The following SLIT1 variants were observed in gnomAD, a reference collection of about 807,000 sequenced individuals.
The protein encoded by SLIT1 is slit guidance ligand 1.
In SLIT1, 66 loss-of-function variants were observed where a neutral mutation model predicts 186.1. The ratio of observed to expected loss-of-function variants is 0.35; its 90% CI spans 0.29 to 0.44. The LOEUF (loss-of-function observed/expected upper bound fraction) is 0.44, where lower values mean the gene tolerates loss of function less well. Ranked by LOEUF, SLIT1 falls within the 20% of genes least tolerant of loss-of-function variation. The probability of loss-of-function intolerance (pLI) is 1.00; values close to 1 mark genes in which losing one functional copy is unlikely to be tolerated. For missense variants in SLIT1, 1,638 were observed against 2,037.4 expected (o/e 0.80, Z 3.77); for synonymous variants, 761 against 833.8 (o/e 0.91, Z 1.50).
At chr10:97,011,616 C>T (rs891779546) in intron 30 of SLIT1, among the ~76,000 whole-genome samples, 23 of 152,280 alleles carry the variant, frequency 1.5e-4, no homozygotes, top group Middle Eastern at 3.4e-3. Flanking sequence ...TCAGTGGGTG[C>T]CTTGACCTCA....
intron 26 of SLIT1, among the ~76,000 whole-genome samples, chr10:97,019,889 A>G (rs1848487567): frequency 6.6e-6 from 1 of 152,214 alleles, no homozygotes; most frequent in Non-Finnish European, 1.5e-5. Context: ...GAATAGAAAT[A>G]AAAACACTTT....
intron 4 of SLIT1, among the ~76,000 whole-genome samples, chr10:97,117,496 C>T (rs1037057121): frequency 6.6e-6 from 1 of 152,164 alleles, no homozygotes; most frequent in Non-Finnish European, 1.5e-5. Flanking sequence ...AGGAATATGA[C>T]TATTCAAGGT....
At position 97,122,759 on chromosome 10, in the gene SLIT1, C is replaced by T. The variant is rs529769830; in HGVS notation, c.413+35059G>A. 2.6e-5 allele frequency among the ~76,000 whole-genome samples: 4 copies of T among 152,200 alleles called. No homozygotes were observed. In the East Asian group the frequency reaches 5.8e-4, roughly 22 times the overall value. ...TGCCAGTGATGCTTCCTGGGAGCTC[C>T]TTGTCCAGAAGCTGCTTGCCAGTGC... On this transcript the variant is annotated intron_variant, in intron 4 of 36. Transcript: ENST00000266058.
Position 97,185,869 on chromosome 10 carries a change from C to T in SLIT1, c.-195G>A, listed in dbSNP as rs1850408664. The T allele has an allele frequency of 2.0e-6, 1 of 512,124 alleles. No homozygotes were observed. Among genetic ancestry groups the T allele is most frequent in the Non-Finnish European group, 3.3e-6 (1 of 298,682 alleles). 31.7% of individuals were successfully genotyped at this position (512,124 alleles called of 1,614,324 possible). Reference sequence around the variant, plus strand: ...CCTGTGCGCGGACGGAGGGAGGGCGCCTTGGGCGGAGGGGGCTCGGCTCCT... The same window carrying T: ...CCTGTGCGCGGACGGAGGGAGGGCGTCTTGGGCGGAGGGGGCTCGGCTCCT... On this transcript the variant is annotated 5_prime_UTR_variant, in exon 1 of 37. Coordinates refer to ENST00000266058, the MANE Select transcript of SLIT1 (RefSeq NM_003061.3).
intron 36 of SLIT1, 140 bp downstream of exon 36, chr10:97,002,018 A>C: frequency 2.0e-6 from 1 of 500,472 alleles, no homozygotes; most frequent in Non-Finnish European, 3.4e-6. Context: ...GGGTGGAGGG[A>C]CTCTGAAAGC....
intron 4 of SLIT1, among the ~76,000 whole-genome samples, chr10:97,066,681 C>T (rs1432743399): frequency 6.6e-6 from 1 of 152,184 alleles, no homozygotes; most frequent in Non-Finnish European, 1.5e-5. Flanking sequence ...TGAGGCCTCC[C>T]CAGAAGTAGA....
At chr10:97,031,212 C>G (rs945046482) in intron 24 of SLIT1, among the ~76,000 whole-genome samples, 11 of 152,164 alleles carry the variant, frequency 7.2e-5, no homozygotes, top group South Asian at 2.1e-4. Flanking sequence ...CTGAGGCCAT[C>G]ATAATGGATG....
At chr10:97,129,546 G>A (rs974646846) in intron 4 of SLIT1, among the ~76,000 whole-genome samples, 12 of 152,132 alleles carry the variant, frequency 7.9e-5, no homozygotes, top group Non-Finnish European at 1.5e-4. Context: ...AGCATCTAGC[G>A]CAACTCCTTA....
At chr10:97,019,136 G>T (rs1345936909) in intron 26 of SLIT1, 29 bp from the exon 27 acceptor site, 1 of 1,398,684 alleles carries the variant, frequency 7.1e-7, no homozygotes, top group Non-Finnish European at 1.0e-6. Flanking sequence ...GCTAGTGCAG[G>T]GGGAGGGGTG....
chr10:97,161,715 T>C (rs781101458), intron 3 of SLIT1, among the ~76,000 whole-genome samples: 1 of 152,128 alleles, frequency 6.6e-6, no homozygotes. Flanking sequence ...GAGGCGGAGA[T>C]TGCAGTGAGC....
Position 97,164,912 on chromosome 10 carries a change from G to A in SLIT1, c.198-22C>T. ...TTCCCTGGAGGAAGAAGGAGAGAAGGAAGCAGTGGGGTGAGCAGGGTAAGC... is the reference window on the plus strand; with the variant it reads ...TTCCCTGGAGGAAGAAGGAGAGAAGAAAGCAGTGGGGTGAGCAGGGTAAGC... On this transcript the variant is annotated intron_variant, in intron 1 of 36. Coordinates refer to ENST00000266058, the MANE Select transcript of SLIT1 (RefSeq NM_003061.3). The A allele has an allele frequency of 2.5e-6, 4 of 1,595,324 alleles. No individual in the cohort carries two copies. In the South Asian group the frequency reaches 3.3e-5, roughly 13 times the overall value.
In SLIT1 at chr10:97,042,871, C is replaced by T. The variant is rs555649155; in HGVS notation, c.2164+30G>A. On this transcript the variant is annotated intron_variant, in intron 20 of 36. Transcript: ENST00000266058. ...CCACTGGTTGGACCCAGGGCGCCCT[C>T]TCCCTTGCCACCGGGGGGCCACGAG... 1.9e-6 allele frequency: 3 copies of T among 1,608,226 alleles called. No homozygotes were observed. The Admixed American group carries it at 5.0e-5, about 27-fold the overall frequency.
At chr10:97,123,789 G>GA (rs5787219) in intron 4 of SLIT1, among the ~76,000 whole-genome samples, 21,334 of 134,356 alleles carry the variant, frequency 0.16, 2,190 homozygotes, top group African/African-American at 0.29. Flanking sequence ...GACTCTGTCT[G>GA]AAAAAAAAAA....
chr10:97,029,635 T>C (rs534862975), intron 25 of SLIT1, among the ~76,000 whole-genome samples: 1 of 152,372 alleles, frequency 6.6e-6, no homozygotes, highest in African/African-American at 2.4e-5. Flanking sequence ...AAAATATATA[T>C]ATCACATGAA....
Position 97,184,289 on chromosome 10 carries a change from G to A in SLIT1, c.197+1189C>T, listed in dbSNP as rs1390378735. 6.6e-6 allele frequency among the ~76,000 whole-genome samples: 1 copy of A among 152,140 alleles called. No homozygotes were observed. The highest frequency in any genetic ancestry group is 1.5e-5 in the Non-Finnish European group (1 of 68,036). ...CAAAATATGCACACCTTTCCTGAGA[G>A]CCACTGCAGTCACCGAGGAGTGTGG... On this transcript the variant is annotated intron_variant, in intron 1 of 36. Transcript: ENST00000266058. The surrounding 1 kb of genome is among the most constrained non-coding windows in gnomAD (Gnocchi z 4.4).
At chr10:97,049,791 A>G (rs1279240474) in intron 13 of SLIT1, among the ~76,000 whole-genome samples, 1 of 152,240 alleles carries the variant, frequency 6.6e-6, no homozygotes, top group East Asian at 1.9e-4. Context: ...ATGACTGAGC[A>G]GCCCCTTGCT....
chr10:97,020,402 A>C (rs1351010107), intron 26 of SLIT1, among the ~76,000 whole-genome samples: 2 of 152,206 alleles, frequency 1.3e-5, no homozygotes, highest in Admixed American at 1.3e-4. Flanking sequence ...TAATAAAACA[A>C]AACAAAACCC....
At position 97,004,659 on chromosome 10, in the gene SLIT1, C is replaced by G. The variant is rs375291630; in HGVS notation, c.3710+34G>C. Reference sequence around the variant, plus strand: ...ACCTCGCCCTGGCAGTCCCGTACCCCTGAGGGCAGCTGGGGGGCATAAGGA... The same window carrying G: ...ACCTCGCCCTGGCAGTCCCGTACCCGTGAGGGCAGCTGGGGGGCATAAGGA... On this transcript the variant is annotated intron_variant, in intron 33 of 36. Transcript: ENST00000266058. This position sits in a 1 kb window ranked among gnomAD's most constrained non-coding sequence, Gnocchi z 5.1. The G allele has an allele frequency of 6.2e-7, 1 of 1,613,432 alleles. No homozygotes were observed. Among genetic ancestry groups the G allele is most frequent in the East Asian group, 2.2e-5 (1 of 44,870 alleles).
intron 1 of SLIT1, among the ~76,000 whole-genome samples, chr10:97,170,387 A>G (rs1850171942): frequency 6.6e-6 from 1 of 152,216 alleles, no homozygotes; most frequent in Non-Finnish European, 1.5e-5. Flanking sequence ...CGTGCTCTCT[A>G]CAGCAGTATT....
Sources: allele counts gnomAD v4.1 joint callset (sites outside exome capture counted in the v4.1 genomes callset), GRCh38; gene constraint gnomAD v4.1.1; non-coding constraint Gnocchi (gnomAD v3.1); transcripts MANE v1.5; gene names NCBI Gene and HGNC (gene_info 2026-07-23, HGNC 2026-07-21).